Variants in CTNNA2 observed in about 807,000 individuals in gnomAD.
CTNNA2 encodes catenin alpha-2.
Under a neutral mutation model 101.0 loss-of-function variants are expected in CTNNA2, and 42 were observed. That is an observed-to-expected ratio of 0.42 (90% CI 0.32 to 0.54). The LOEUF (loss-of-function observed/expected upper bound fraction) is 0.54. Among genes scored for constraint, CTNNA2 ranks in the 20% least tolerant of loss-of-function variants. The probability of loss-of-function intolerance (pLI) is 0.14; values close to 1 mark genes in which losing one functional copy is unlikely to be tolerated. For synonymous variants in CTNNA2, 450 were observed against 456.4 expected (o/e 0.99, Z 0.18); for missense variants, 871 against 1,223.1 (o/e 0.71, Z 4.29).
chr2:79,482,006 T>G (rs1671114769), intron 4 of CTNNA2, among the ~76,000 whole-genome samples: 1 of 152,194 alleles, frequency 6.6e-6, no homozygotes, highest in African/African-American at 2.4e-5. Flanking sequence ...AATGATACTT[T>G]TGGTCAGCTG....
intron 2 of CTNNA2, among the ~76,000 whole-genome samples, chr2:79,211,773 A>G (rs932937175): frequency 1.3e-5 from 2 of 152,190 alleles, no homozygotes; most frequent in African/African-American, 4.8e-5. Flanking sequence ...GTCTTCTTAT[A>G]TTAATAAGAA....
intron 11 of CTNNA2, among the ~76,000 whole-genome samples, chr2:80,550,123 G>T (rs918338491): frequency 6.6e-6 from 1 of 152,148 alleles, no homozygotes; most frequent in African/African-American, 2.4e-5. Flanking sequence ...AATGCCAATT[G>T]CAATAAGGTG....
intron 7 of CTNNA2, among the ~76,000 whole-genome samples, chr2:80,266,942 A>T (rs1673045038): frequency 6.6e-6 from 1 of 152,160 alleles, no homozygotes; most frequent in Non-Finnish European, 1.5e-5. Context: ...CATTGTATGT[A>T]AGGAATTAAT....
At chr2:79,217,259 G>T (rs892368094) in intron 2 of CTNNA2, among the ~76,000 whole-genome samples, 3 of 152,182 alleles carry the variant, frequency 2.0e-5, no homozygotes, top group Non-Finnish European at 4.4e-5. Context: ...GGAGGACAGG[G>T]GATTGATCCC....
At chr2:80,139,045 C>T (rs929693290) in intron 7 of CTNNA2, among the ~76,000 whole-genome samples, 1 of 152,092 alleles carries the variant, frequency 6.6e-6, no homozygotes, top group Non-Finnish European at 1.5e-5. Context: ...TAAAGTTGCT[C>T]TAAGCGACCT....
chr2:79,929,392 C>G (rs1687237427), intron 7 of CTNNA2, among the ~76,000 whole-genome samples: 2 of 152,174 alleles, frequency 1.3e-5, no homozygotes, highest in Admixed American at 6.5e-5. Context: ...TATTCCGAAA[C>G]TGTATGTATG....
chr2:80,575,671 C>A (rs928200457), intron 13 of CTNNA2, among the ~76,000 whole-genome samples: 14 of 152,098 alleles, frequency 9.2e-5, no homozygotes, highest in Non-Finnish European at 1.5e-4. Context: ...CCCTCTTTTG[C>A]CATTTTTCTG....
At chr2:79,653,107 G>A (rs1681372079) in intron 2 of CTNNA2, among the ~76,000 whole-genome samples, 1 of 152,160 alleles carries the variant, frequency 6.6e-6, no homozygotes, top group African/African-American at 2.4e-5. Flanking sequence ...AAGGAAAAAG[G>A]AGTTGCCAGT....
intron 7 of CTNNA2, among the ~76,000 whole-genome samples, chr2:80,036,384 A>G (rs576675718): frequency 6.6e-6 from 1 of 152,310 alleles, no homozygotes; most frequent in South Asian, 2.1e-4. Context: ...GCTTGAGGCC[A>G]GGAGTTCCAG....
chr2:79,920,136 G>C (rs1264995503), intron 7 of CTNNA2, among the ~76,000 whole-genome samples: 1 of 152,148 alleles, frequency 6.6e-6, no homozygotes, highest in Non-Finnish European at 1.5e-5. Context: ...AGAATTGCTT[G>C]AACCCAGGAG....
intron 3 of CTNNA2, among the ~76,000 whole-genome samples, chr2:79,820,244 C>A (rs1016058152): frequency 4.6e-5 from 7 of 152,108 alleles, no homozygotes; most frequent in African/African-American, 1.7e-4. Context: ...GTATTAATTG[C>A]CCTTGTTAGT....
chr2:79,943,346 A>G (rs1688288452), intron 7 of CTNNA2, among the ~76,000 whole-genome samples: 1 of 152,236 alleles, frequency 6.6e-6, no homozygotes, highest in Non-Finnish European at 1.5e-5. Flanking sequence ...AGATTCAGTT[A>G]CTATTGGAGA....
At chr2:79,225,062 T>C (rs1380619161) in intron 2 of CTNNA2, among the ~76,000 whole-genome samples, 1 of 152,120 alleles carries the variant, frequency 6.6e-6, no homozygotes, top group East Asian at 1.9e-4. Flanking sequence ...TTTTGACTAC[T>C]ATGAGTAAAA....
In CTNNA2 at chr2:80,351,736, T is replaced by G. The variant is rs1361350977; in HGVS notation, c.1057-41475T>G. ...GTATAATACTTTGCTCTCATTTTTC[T>G]TCTTCAAAACAGGCGTGATGCTCTG... On this transcript the variant is annotated intron_variant, in intron 7 of 18. Transcript: ENST00000402739. Among the ~76,000 whole-genome samples the G allele has an allele frequency of 2.0e-5, 3 of 152,148 alleles. No individual in the cohort carries two copies. The East Asian group carries it at 5.8e-4, about 29-fold the overall frequency.
chr2:79,919,205 T>A (rs1686483769), intron 7 of CTNNA2, among the ~76,000 whole-genome samples: 1 of 152,178 alleles, frequency 6.6e-6, no homozygotes, highest in African/African-American at 2.4e-5. Context: ...AACTCTTGAC[T>A]GGGATCTGGT....
At position 79,277,953 on chromosome 2, in the gene CTNNA2, G is replaced by A. The variant is rs1166379658; in HGVS notation, c.-405-34756G>A. The stretch of plus-strand genomic sequence containing the variant: ...AGGAACAACTAAGATGGTCTGCTCT[G>A]GGCTACTGCTGCTCTTTGATTTATT... On this transcript the variant is annotated intron_variant, in intron 2 of 21. Coordinates refer to the CTNNA2 transcript ENST00000466387. Among the ~76,000 whole-genome samples, 8 of 152,240 alleles carry A rather than the reference G, an allele frequency of 5.3e-5. No homozygotes were observed. The East Asian group carries it at 1.5e-3, about 29-fold the overall frequency.
At chr2:79,384,390 C>G (rs984662170) in intron 4 of CTNNA2, among the ~76,000 whole-genome samples, 3 of 59,812 alleles carry the variant, frequency 5.0e-5, no homozygotes, top group Admixed American at 1.9e-4. Flanking sequence ...CTCTCTCTCT[C>G]TCTCTCTCTC....
In CTNNA2 at chr2:80,467,386, C is replaced by A. The variant is rs904360955; in HGVS notation, c.1290+47785C>A. On this transcript the variant is annotated intron_variant, in intron 9 of 18. Transcript: ENST00000402739. Reference sequence around the variant, plus strand: ...TAATTTGTGGCTTTCAATAATGTACCAGTCTGTTATAAGACACTACTAGGG... The same window carrying A: ...TAATTTGTGGCTTTCAATAATGTACAAGTCTGTTATAAGACACTACTAGGG... 2.0e-5 allele frequency among the ~76,000 whole-genome samples: 3 copies of A among 152,280 alleles called. No individual in the cohort carries two copies. In the Middle Eastern group the frequency reaches 0.01, roughly 518 times the overall value.
At chr2:79,287,426 G>T (rs1226619742) in intron 2 of CTNNA2, among the ~76,000 whole-genome samples, 1 of 152,134 alleles carries the variant, frequency 6.6e-6, no homozygotes, top group Non-Finnish European at 1.5e-5. Context: ...TGTACAGATG[G>T]GTTTTTGGTG....
Sources: gnomAD v4.1 joint callset for allele counts (sites outside exome capture counted in the v4.1 genomes callset) on GRCh38, gnomAD v4.1.1 for gene constraint, MANE v1.5 for transcripts, NCBI Gene and HGNC (gene_info 2026-07-23, HGNC 2026-07-21) for gene names.